CHN1: variants seen among roughly 807,000 people sequenced by gnomAD.
The protein encoded by CHN1 is N-chimaerin.
In CHN1, 37 loss-of-function variants were observed where a neutral mutation model predicts 59.5. The ratio of observed to expected loss-of-function variants is 0.62; its 90% CI spans 0.48 to 0.82. The LOEUF is 0.82. CHN1 is among the 40% of genes least tolerant of loss of function. The probability of loss-of-function intolerance (pLI) is 0.00; values close to 1 mark genes in which losing one functional copy is unlikely to be tolerated. For synonymous variants in CHN1, 206 were observed against 200.4 expected (o/e 1.03, Z -0.24); for missense variants, 469 against 571.0 (o/e 0.82, Z 1.82).
chr2:174,942,096 T>C (rs1264670594), intron 3 of CHN1, among the ~76,000 whole-genome samples: 2 of 152,220 alleles, frequency 1.3e-5, no homozygotes, highest in East Asian at 3.8e-4. Flanking sequence ...GAAAATGGTA[T>C]GGAGGTTCCA....
chr2:174,862,937 G>T (rs548575942), intron 6 of CHN1, among the ~76,000 whole-genome samples: 12 of 152,164 alleles, frequency 7.9e-5, no homozygotes, highest in Non-Finnish European at 1.6e-4. Context: ...AATTTTGGTT[G>T]TTCAGCCTTG....
intron 7 of CHN1, among the ~76,000 whole-genome samples, chr2:174,829,057 G>A (rs1685785222): frequency 3.3e-5 from 5 of 152,284 alleles, no homozygotes; most frequent in Admixed American, 2.6e-4. Context: ...AAGTGACAGA[G>A]TATAAGGCAT....
At position 174,998,061 on chromosome 2, in the gene CHN1, G is replaced by C. The variant is rs570828271; in HGVS notation, c.19+6833C>G. On this transcript the variant is annotated intron_variant, in intron 1 of 12. Transcript: ENST00000409900. ...TCCATGTCTATAATCCCAGCACTTT[G>C]GGGGGCCGAGATGGGTGGATCACAT... Among the ~76,000 whole-genome samples, 3 of 150,694 alleles carry C rather than the reference G, an allele frequency of 2.0e-5. No individual in the cohort carries two copies. The South Asian group carries it at 6.4e-4, about 32-fold the overall frequency.
chr2:174,999,599 A>G (rs1459440086), intron 1 of CHN1, among the ~76,000 whole-genome samples: 3 of 152,216 alleles, frequency 2.0e-5, no homozygotes, highest in East Asian at 3.8e-4. Flanking sequence ...TTTCTGCCTC[A>G]CTATTTTATG....
At chr2:174,869,051 G>C (rs1687317566) in intron 6 of CHN1, among the ~76,000 whole-genome samples, 1 of 152,196 alleles carries the variant, frequency 6.6e-6, no homozygotes, top group Non-Finnish European at 1.5e-5. Context: ...GAGAGGAAGA[G>C]CAAAGGTATA....
intron 4 of CHN1, 118 bp from the exon 5 acceptor site, chr2:174,915,289 A>G: frequency 1.3e-6 from 1 of 777,442 alleles, no homozygotes; most frequent in South Asian, 1.6e-5. Context: ...GTACTGCCAC[A>G]TAATGGAAGG....
chr2:174,912,007 C>T lies in CHN1; in HGVS notation c.260+3051G>A, dbSNP rs543776616. On this transcript the variant is annotated intron_variant, in intron 5 of 12. Coordinates refer to ENST00000409900, the MANE Select transcript of CHN1 (RefSeq NM_001822.7). ...TTGAGAAATACTTAAGAAATAAGAT[C>T]GTTGGTTTCGGCTGTGTGAGATGAG... 1.3e-4 allele frequency among the ~76,000 whole-genome samples: 20 copies of T among 152,202 alleles called. No individual in the cohort carries two copies. In the South Asian group the frequency reaches 3.7e-3, roughly 28 times the overall value.
chr2:174,918,877 T>C (rs114608031), intron 3 of CHN1, among the ~76,000 whole-genome samples: 6,298 of 152,226 alleles, frequency 0.041, 452 homozygotes, highest in African/African-American at 0.14. Flanking sequence ...CCAAAACATA[T>C]AGCCACAATT....
At chr2:174,833,428 T>C (rs1685948444) in intron 7 of CHN1, among the ~76,000 whole-genome samples, 1 of 152,236 alleles carries the variant, frequency 6.6e-6, no homozygotes. Context: ...TAGGTTAATG[T>C]TTCTTTTCCT....
intron 1 of CHN1, among the ~76,000 whole-genome samples, chr2:174,960,045 C>T (rs1306011834): frequency 6.6e-6 from 1 of 152,100 alleles, no homozygotes; most frequent in Non-Finnish European, 1.5e-5. Flanking sequence ...GATGGGATGA[C>T]TCTGGGACTG....
At chr2:174,978,622 G>C (rs1279493503) in intron 1 of CHN1, among the ~76,000 whole-genome samples, 2 of 152,078 alleles carry the variant, frequency 1.3e-5, no homozygotes, top group African/African-American at 4.8e-5. Context: ...ACTAATTCCA[G>C]GCTCCAAATG....
chr2:174,872,280 C>T (rs1027379038), intron 6 of CHN1, among the ~76,000 whole-genome samples: 1 of 151,768 alleles, frequency 6.6e-6, no homozygotes, highest in African/African-American at 2.4e-5. Context: ...TGAGACCCCA[C>T]CTCAAACAAA....
rs1162600243 is a variant in CHN1, at chr2:174,946,618, G to T, written c.59-1675C>A. ...TATATTGTTACAGAGATGACAAAAA[G>T]GGAGTTAATTCTGAGGTAGAAAAGG... On this transcript the variant is annotated intron_variant, in intron 2 of 12. Coordinates refer to ENST00000409900, the MANE Select transcript of CHN1 (RefSeq NM_001822.7). Among the ~76,000 whole-genome samples, 4 of 152,160 alleles carry T rather than the reference G, an allele frequency of 2.6e-5. No homozygotes were observed. The East Asian group carries it at 5.8e-4, about 22-fold the overall frequency.
At chr2:174,900,298 G>A (rs1347522604) in intron 5 of CHN1, among the ~76,000 whole-genome samples, 1 of 152,090 alleles carries the variant, frequency 6.6e-6, no homozygotes, top group Admixed American at 6.6e-5. Flanking sequence ...TTCAGGAGAA[G>A]GCTAGGAGTT....
chr2:174,803,355 C>T (rs1343532612), intron 11 of CHN1, among the ~76,000 whole-genome samples: 1 of 152,152 alleles, frequency 6.6e-6, no homozygotes, highest in African/African-American at 2.4e-5. Flanking sequence ...ACAATCTCTA[C>T]CCCAAATTTC....
In CHN1 at chr2:175,005,263, TGGC is replaced by T. The variant is rs749234310; in HGVS notation, c.-354_-352del. The T allele has an allele frequency of 4.2e-4, 430 of 1,028,858 alleles. No homozygotes were observed. The highest frequency in any genetic ancestry group is 2.5e-3 in the Middle Eastern group (6 of 2,412). The allele number at this position is 1,028,858 out of a possible 1,614,324, so 63.7% of individuals were successfully genotyped here. On this transcript the variant is annotated 5_prime_UTR_variant, in exon 1 of 13. Transcript: ENST00000409900. Reference sequence around the variant, plus strand: ...GGCTGGCGGAGAGGCGGCGCCGCACTGGCGGCGGCGGCGGCGGCGACGGGGAGA... The same window carrying T: ...GGCTGGCGGAGAGGCGGCGCCGCACTGGCGGCGGCGGCGGCGACGGGGAGA...
chr2:174,889,492 GA>G (rs1300794131), intron 5 of CHN1, among the ~76,000 whole-genome samples: 3 of 151,362 alleles, frequency 2.0e-5, no homozygotes, highest in African/African-American at 4.8e-5. Context: ...CAATATCAAG[GA>G]AAAAAATGCA....
chr2:174,950,239 G>A (rs998905305), intron 2 of CHN1, among the ~76,000 whole-genome samples: 2 of 151,696 alleles, frequency 1.3e-5, no homozygotes, highest in African/African-American at 4.8e-5. Flanking sequence ...CAAAGCAATA[G>A]CCTATCTCTC....
chr2:174,958,605 C>T (rs1387895724), intron 1 of CHN1, among the ~76,000 whole-genome samples: 1 of 152,154 alleles, frequency 6.6e-6, no homozygotes, highest in African/African-American at 2.4e-5. Flanking sequence ...TGCTAGGTGG[C>T]GCTTTCTTAG....
Sources: allele counts gnomAD v4.1 joint callset (sites outside exome capture counted in the v4.1 genomes callset), GRCh38; gene constraint gnomAD v4.1.1; transcripts MANE v1.5; gene names NCBI Gene and HGNC (gene_info 2026-07-23, HGNC 2026-07-21).